DPP9: variants seen among roughly 807,000 people sequenced by gnomAD.
The protein encoded by DPP9 is dipeptidyl peptidase 9.
Under a neutral mutation model 110.7 loss-of-function variants are expected in DPP9, and 50 were observed. The observed-to-expected ratio is 0.45, with a 90% CI of 0.36 to 0.57. The LOEUF is 0.57. Ranked by LOEUF, DPP9 falls within the 20% of genes least tolerant of loss-of-function variation. The pLI is 0.00. For synonymous variants in DPP9, 561 were observed against 514.4 expected, an observed-to-expected ratio of 1.09 and a Z score of -1.23; for missense variants, 1,022 against 1,217.9, an observed-to-expected ratio of 0.84 and a Z score of 2.39.
intron 13 of DPP9, among the ~76,000 whole-genome samples, chr19:4,691,593 G>T (rs1217789496): frequency 6.6e-6 from 1 of 152,020 alleles, no homozygotes; most frequent in South Asian, 2.1e-4. Context: ...GGCACGGGAA[G>T]GGGGGCGGGG....
At chr19:4,696,527 G>A (rs1003864858) in intron 11 of DPP9, among the ~76,000 whole-genome samples, 1 of 151,832 alleles carries the variant, frequency 6.6e-6, no homozygotes, top group Non-Finnish European at 1.5e-5. Context: ...TTGGGAAGCC[G>A]AGGGGGGCGG....
intron 19 of DPP9, chr19:4,683,256 G>A: frequency 7.0e-7 from 1 of 1,433,850 alleles, no homozygotes; most frequent in Non-Finnish European, 9.1e-7. Flanking sequence ...GGGGTTTTGT[G>A]CAGCCGGATG....
chr19:4,685,421 G>A lies in DPP9; in HGVS notation c.2031+205C>T, dbSNP rs1357178757. 3 of 679,276 alleles carry A rather than the reference G, an allele frequency of 4.4e-6. No homozygotes were observed. In the East Asian group the frequency reaches 8.3e-5, roughly 19 times the overall value. The allele number at this position is 679,276 out of a possible 1,614,324, so 42.1% of individuals were successfully genotyped here. On this transcript the variant is annotated intron_variant, in intron 17 of 21. Coordinates refer to ENST00000262960, the MANE Select transcript of DPP9 (RefSeq NM_139159.5). This position sits in a 1 kb window ranked among gnomAD's most constrained non-coding sequence, Gnocchi z 5.8. ...AGGGGAGGCCATCCAGGAAGGGCGG[G>A]GAGCGTGCAAACGGGCACAGAGAAA...
At chr19:4,722,351 A>G in intron 2 of DPP9, 148 bp downstream of exon 2, 1 of 582,450 alleles carries the variant, frequency 1.7e-6, no homozygotes, top group South Asian at 2.1e-5. Context: ...CAGGCGCACA[A>G]AAAACTGCAG....
intron 7 of DPP9, among the ~76,000 whole-genome samples, chr19:4,703,175 G>T (rs144771716): frequency 1.5e-3 from 233 of 152,226 alleles, no homozygotes; most frequent in Non-Finnish European, 2.5e-3. Flanking sequence ...ATGAGCAAGG[G>T]AGTGGAGAGA....
chr19:4,720,377 G>A (rs1358179264), intron 2 of DPP9, among the ~76,000 whole-genome samples: 1 of 152,128 alleles, frequency 6.6e-6, no homozygotes, highest in Non-Finnish European at 1.5e-5. Context: ...CTCGCTCCTA[G>A]CACACAGCTT....
At chr19:4,708,240 G>A (rs1386232381) in intron 4 of DPP9, among the ~76,000 whole-genome samples, 1 of 152,134 alleles carries the variant, frequency 6.6e-6, no homozygotes, top group African/African-American at 2.4e-5. Context: ...TCCATACCCT[G>A]ACCCCCTTGC....
Position 4,704,828 on chromosome 19 carries a change from G to A in DPP9, c.427-524C>T, listed in dbSNP as rs1179116526. Among the ~76,000 whole-genome samples, 1 of 152,126 alleles carries A rather than the reference G, an allele frequency of 6.6e-6. No individual in the cohort carries two copies. The highest frequency in any genetic ancestry group is 6.6e-5 in the Admixed American group (1 of 15,262). On this transcript the variant is annotated intron_variant, in intron 5 of 21. Transcript: ENST00000262960. This position sits in a 1 kb window ranked among gnomAD's most constrained non-coding sequence, Gnocchi z 6.0. ...AGCCTGGCCAATATGGTGAAACCCC[G>A]TCTCTACTAAAAATACAAAAATTAG...
At position 4,684,691 on chromosome 19, in the gene DPP9, C is replaced by G; in HGVS notation, c.2150G>C (p.Arg717Pro). The G allele has an allele frequency of 2.5e-6, 4 of 1,612,694 alleles. No individual in the cohort carries two copies. Among genetic ancestry groups the G allele is most frequent in the Non-Finnish European group, 3.4e-6 (4 of 1,179,480 alleles). Residue 717 changes from arginine to proline, a missense_variant, in exon 18 of 22, where the codon CGG (arginine) becomes CCG (proline). Physicochemically the swap from Arg to Pro is moderately radical, Grantham distance 103. This residue lies in a region of DPP9 where 209 missense variants were observed against 280.4 expected (regional missense o/e 0.75). Coordinates refer to ENST00000262960, the MANE Select transcript of DPP9 (RefSeq NM_139159.5). The surrounding 1 kb of genome is among the most constrained non-coding windows in gnomAD (Gnocchi z 4.8). ...DGRGSCQRGL[R>P]FEGALKNQMG... ...TTGGTTTTTCAGGGCCCCTTCGAAC[C>G]GAAGCCCTCGCTGACAGGAGCCCCT...
Position 4,684,650 on chromosome 19 carries a change from G to A in DPP9, c.2178+13C>T. ...GACCCAAAGGACCCAGAGCAACAGG[G>A]AGGAGTTGTTACCATTTGGTTTTTC... is the stretch of plus-strand genomic sequence containing the variant. On this transcript the variant is annotated intron_variant, in intron 18 of 21. Coordinates refer to ENST00000262960, the MANE Select transcript of DPP9 (RefSeq NM_139159.5). The surrounding 1 kb of genome is among the most constrained non-coding windows in gnomAD (Gnocchi z 4.8). 6.2e-7 allele frequency: 1 copy of A among 1,613,034 alleles called. No homozygotes were observed. The highest frequency in any genetic ancestry group is 8.5e-7 in the Non-Finnish European group (1 of 1,179,614).
intron 4 of DPP9, among the ~76,000 whole-genome samples, chr19:4,712,187 C>T (rs1276117631): frequency 6.6e-6 from 1 of 152,224 alleles, no homozygotes; most frequent in Non-Finnish European, 1.5e-5. Context: ...GCCAAGCTCT[C>T]TCAGGTAACT....
intron 4 of DPP9, among the ~76,000 whole-genome samples, chr19:4,708,679 G>T (rs537828262): frequency 1.8e-4 from 28 of 152,176 alleles, no homozygotes; most frequent in African/African-American, 4.8e-4. Flanking sequence ...GAAAAGTAAT[G>T]CAGGAACAGA....
intron 7 of DPP9, among the ~76,000 whole-genome samples, chr19:4,703,237 C>G (rs2092394264): frequency 1.3e-5 from 2 of 152,154 alleles, no homozygotes; most frequent in South Asian, 4.2e-4. Flanking sequence ...GCTGGACAGG[C>G]AGAGTGGAGG....
At chr19:4,683,347 G>A in intron 19 of DPP9, 130 bp downstream of exon 19, 2 of 1,488,996 alleles carry the variant, frequency 1.3e-6, no homozygotes, top group Non-Finnish European at 1.8e-6. Flanking sequence ...ACAGCCACGT[G>A]GCAAGGCCCC....
chr19:4,689,527 T>C lies in DPP9; in HGVS notation c.1749+43A>G, dbSNP rs1414171439. 17 of 1,532,508 alleles carry C rather than the reference T, an allele frequency of 1.1e-5. No individual in the cohort carries two copies. The highest frequency in any genetic ancestry group is 1.5e-5 in the Non-Finnish European group (17 of 1,144,646). The allele number at this position is 1,532,508 out of a possible 1,614,324, so 94.9% of individuals were successfully genotyped here. A position where few individuals can be genotyped will look rare whatever the true frequency, so the allele number is the denominator to read the frequency against. ...GAGGGACTGCTCTGGCTGGGAGCTG[T>C]TGGACGGGCACAGGGCGGTGCCGTG... On this transcript the variant is annotated intron_variant, in intron 15 of 21. Transcript: ENST00000262960. The surrounding 1 kb of genome is among the most constrained non-coding windows in gnomAD (Gnocchi z 7.0).
At position 4,676,457 on chromosome 19, in the gene DPP9, A is replaced by G. The variant is rs1314347216; in HGVS notation, c.*107T>C. On this transcript the variant is annotated 3_prime_UTR_variant, in exon 22 of 22. Transcript: ENST00000262960. This position sits in a 1 kb window ranked among gnomAD's most constrained non-coding sequence, Gnocchi z 4.0. Reference sequence around the variant, plus strand: ...TCGGGGCTGGCCAGCGCTGGGCGGGACAAAGTGCCTCACTGGGGCCCGCGG... The same window carrying G: ...TCGGGGCTGGCCAGCGCTGGGCGGGGCAAAGTGCCTCACTGGGGCCCGCGG... 23 of 976,176 alleles carry G rather than the reference A, an allele frequency of 2.4e-5. No individual in the cohort carries two copies. The highest frequency in any genetic ancestry group is 3.5e-5 in the Non-Finnish European group (22 of 632,860). 60.5% of individuals were successfully genotyped at this position (976,176 alleles called of 1,614,324 possible). A position where few individuals can be genotyped will look rare whatever the true frequency, so the allele number is the denominator to read the frequency against.
intron 4 of DPP9, among the ~76,000 whole-genome samples, chr19:4,712,452 A>C (rs1330715547): frequency 3.3e-5 from 5 of 152,010 alleles, no homozygotes; most frequent in Non-Finnish European, 7.4e-5. Flanking sequence ...TGGAGGGCTG[A>C]GGTTGGGATG....
rs906371157 is a variant in DPP9, at chr19:4,707,614, C to CTT, written c.314-1646_314-1645dup. ...TCTTTTCAGGACCTCCTCATACTCG[C>CTT]TTTTTTTTTTTTTTTTTTTTTTTTT... On this transcript the variant is annotated intron_variant, in intron 4 of 21. Coordinates refer to ENST00000262960, the MANE Select transcript of DPP9 (RefSeq NM_139159.5). 1.6e-3 allele frequency among the ~76,000 whole-genome samples: 126 copies of CTT among 78,422 alleles called. 24 individuals are homozygous for CTT. The highest frequency in any genetic ancestry group is 5.4e-3 in the East Asian group (16 of 2,964). 51.4% of individuals were successfully genotyped at this position (78,422 alleles called of 152,430 possible). A position where few individuals can be genotyped will look rare whatever the true frequency, so the allele number is the denominator to read the frequency against.
Position 4,682,811 on chromosome 19 carries a change from C to T in DPP9, c.2359G>A (p.Val787Ile), listed in dbSNP as rs761296885. ...KVAIAGAPVT[V>I]WMAYDTGYTE... Reference sequence around the variant, plus strand: ...TACCCTGTGTCGTAGGCCATCCAGACGGTGACCGGGGCACCCGCGATGGCC... The same window carrying T: ...TACCCTGTGTCGTAGGCCATCCAGATGGTGACCGGGGCACCCGCGATGGCC... The change falls in exon 20 of 22, where the codon GTC becomes ATC. Residue 787 changes from valine (V) to isoleucine (I), a missense_variant. Around this residue, in one of 3 missense-constraint regions of DPP9, gnomAD observed 209 missense variants for 280.4 expected, o/e 0.75. Transcript: ENST00000262960. This position sits in a 1 kb window ranked among gnomAD's most constrained non-coding sequence, Gnocchi z 7.1. 2.1e-4 allele frequency: 341 copies of T among 1,592,706 alleles called. No individual in the cohort carries two copies. The highest frequency in any genetic ancestry group is 2.8e-4 in the Non-Finnish European group (324 of 1,170,258).
Sources: gnomAD v4.1 joint callset for allele counts (sites outside exome capture counted in the v4.1 genomes callset) on GRCh38, gnomAD v4.1.1 for gene constraint, gnomAD v4.1.1 regional missense constraint, Gnocchi (gnomAD v3.1) non-coding constraint, MANE v1.5 for transcripts, NCBI Gene and HGNC (gene_info 2026-07-23, HGNC 2026-07-21) for gene names.